Variants in DENND1A observed in about 807,000 individuals in gnomAD.
The protein encoded by DENND1A is DENN domain containing 1A, also known as DENN domain-containing protein 1A.
A neutral mutation model predicts 113.7 loss-of-function variants in DENND1A; 51 were observed. That is an observed-to-expected ratio of 0.45 (90% CI 0.36 to 0.57). The LOEUF (loss-of-function observed/expected upper bound fraction) is 0.57. Among genes scored for constraint, DENND1A ranks in the 20% least tolerant of loss-of-function variants. The pLI is 0.00. For missense variants in DENND1A, 1,258 were observed against 1,395.9 expected, an observed-to-expected ratio of 0.90 and a Z score of 1.57; for synonymous variants, 565 against 570.8, an observed-to-expected ratio of 0.99 and a Z score of 0.14.
At chr9:123,406,310 G>A (rs2131376518) in intron 20 of DENND1A, among the ~76,000 whole-genome samples, 1 of 152,334 alleles carries the variant, frequency 6.6e-6, no homozygotes, top group East Asian at 1.9e-4. Context: ...GTCTTCATCT[G>A]TGGGGTGATT....
In DENND1A at chr9:123,892,382, A is replaced by G. The variant is rs1850048011; in HGVS notation, c.18-13361T>C. 3.3e-5 allele frequency among the ~76,000 whole-genome samples: 5 copies of G among 152,232 alleles called. No individual in the cohort carries two copies. In the South Asian group the frequency reaches 8.3e-4, roughly 25 times the overall value. ...CTCCAATCCCACTTAACAAACCTTA[A>G]AAAGCAAGACTCGGAAGGAGCACAT... is the stretch of plus-strand genomic sequence containing the variant. On this transcript the variant is annotated intron_variant, in intron 1 of 23. Transcript: ENST00000394215.
chr9:123,507,243 C>A (rs546493935), intron 13 of DENND1A, among the ~76,000 whole-genome samples: 1 of 152,310 alleles, frequency 6.6e-6, no homozygotes, highest in East Asian at 1.9e-4. Context: ...ACACGGGTAA[C>A]TGTGCTAAGA....
At chr9:123,536,952 GAAC>G (rs10581266) in intron 13 of DENND1A, among the ~76,000 whole-genome samples, 13,631 of 152,068 alleles carry the variant, frequency 0.09, 675 homozygotes, top group Admixed American at 0.15. Flanking sequence ...ACATAAAAAT[GAAC>G]AACAACAACA....
At chr9:123,415,890 C>T (rs561803316) in intron 19 of DENND1A, among the ~76,000 whole-genome samples, 59 of 152,134 alleles carry the variant, frequency 3.9e-4, no homozygotes, top group Admixed American at 1.3e-3. Context: ...CTGGGGTGTC[C>T]CCAGCTGGGG....
intron 8 of DENND1A, among the ~76,000 whole-genome samples, chr9:123,656,389 CAACT>C (rs2062947975): frequency 1.3e-5 from 2 of 152,256 alleles, no homozygotes; most frequent in South Asian, 4.2e-4. Context: ...GCAGGACAGT[CAACT>C]AACAGGCTGC....
At chr9:123,640,715 T>C (rs1324388893) in intron 9 of DENND1A, among the ~76,000 whole-genome samples, 1 of 152,240 alleles carries the variant, frequency 6.6e-6, no homozygotes, top group Non-Finnish European at 1.5e-5. Flanking sequence ...TGCTTTCATA[T>C]CTGGATGGTC....
intron 8 of DENND1A, among the ~76,000 whole-genome samples, chr9:123,652,773 A>G (rs1043442315): frequency 1.3e-5 from 2 of 152,064 alleles, no homozygotes; most frequent in African/African-American, 2.4e-5. Flanking sequence ...TCAAAAGGGG[A>G]AAAAAAATTG....
At chr9:123,924,673 A>G (rs1199615607) in intron 1 of DENND1A, among the ~76,000 whole-genome samples, 1 of 151,946 alleles carries the variant, frequency 6.6e-6, no homozygotes, top group Non-Finnish European at 1.5e-5. Context: ...AGTAAATATT[A>G]TAGTATGTGA....
chr9:123,738,333 T>G (rs1210348510), intron 5 of DENND1A, among the ~76,000 whole-genome samples: 4 of 151,992 alleles, frequency 2.6e-5, no homozygotes, highest in Admixed American at 2.0e-4. Context: ...CCAGATTACA[T>G]CAAACATTGC....
At chr9:123,650,709 C>T (rs1298575558) in intron 9 of DENND1A, among the ~76,000 whole-genome samples, 1 of 151,974 alleles carries the variant, frequency 6.6e-6, no homozygotes, top group Non-Finnish European at 1.5e-5. Flanking sequence ...GAGTTCGAGA[C>T]CAGCCTGGTC....
intron 13 of DENND1A, among the ~76,000 whole-genome samples, chr9:123,553,553 CA>C (rs1022355976): frequency 2.0e-5 from 3 of 150,860 alleles, no homozygotes; most frequent in African/African-American, 4.9e-5. Flanking sequence ...AACTAAAAGG[CA>C]AAAAAAATAT....
intron 5 of DENND1A, among the ~76,000 whole-genome samples, chr9:123,692,558 A>G (rs141107643): frequency 1.6e-3 from 239 of 152,350 alleles, no homozygotes; most frequent in Non-Finnish European, 2.8e-3. Flanking sequence ...AGCTAACACT[A>G]TAAGTAATTC....
In DENND1A at chr9:123,595,991, C is replaced by T. The variant is rs373507122; in HGVS notation, c.766-12721G>A. Among the ~76,000 whole-genome samples the T allele has an allele frequency of 7.9e-5, 12 of 152,302 alleles. No individual in the cohort carries two copies. In the East Asian group the frequency reaches 1.5e-3, roughly 20 times the overall value. On this transcript the variant is annotated intron_variant, in intron 11 of 23. Coordinates refer to ENST00000394215, the MANE Select transcript of DENND1A (RefSeq NM_001352964.2). ...TCAAACTGAAGCAGGCTTCCCACTG[C>T]TGCAGACTCAGTTTCCTCATGTGTA...
At chr9:123,878,808 T>C (rs759728248) in intron 2 of DENND1A, 143 bp downstream of exon 2, 5 of 699,558 alleles carry the variant, frequency 7.1e-6, no homozygotes, top group East Asian at 2.8e-5. Flanking sequence ...CCTAGGATAA[T>C]GTGAGCATGA....
At chr9:123,670,563 A>C (rs1158204962) in intron 7 of DENND1A, among the ~76,000 whole-genome samples, 5 of 152,172 alleles carry the variant, frequency 3.3e-5, no homozygotes, top group Non-Finnish European at 7.3e-5. Flanking sequence ...AAATCTCCCA[A>C]TTGGTATTTC....
intron 19 of DENND1A, among the ~76,000 whole-genome samples, chr9:123,439,235 G>A (rs528401370): frequency 7.9e-5 from 12 of 152,284 alleles, no homozygotes; most frequent in South Asian, 2.1e-4. Flanking sequence ...TCTTTCTTGC[G>A]TTTCAATTTT....
At chr9:123,742,592 C>A (rs755515208) in intron 5 of DENND1A, among the ~76,000 whole-genome samples, 4 of 152,146 alleles carry the variant, frequency 2.6e-5, no homozygotes, top group Non-Finnish European at 5.9e-5. Flanking sequence ...AAAAACCTGG[C>A]AAATCAAAGG....
intron 5 of DENND1A, among the ~76,000 whole-genome samples, chr9:123,693,843 T>TTATTATTAG (rs2065335628): frequency 6.7e-6 from 1 of 148,742 alleles, no homozygotes. Flanking sequence ...ATTATTATTA[T>TTATTATTAG]TTTGAGACAG....
At chr9:123,892,532 C>G (rs79252018) in intron 1 of DENND1A, among the ~76,000 whole-genome samples, 15,746 of 152,184 alleles carry the variant, frequency 0.1, 982 homozygotes, top group Admixed American at 0.13. Context: ...TCAGATTACT[C>G]CCCTGAGGAA....
Sources: allele counts gnomAD v4.1 joint callset (sites outside exome capture counted in the v4.1 genomes callset), GRCh38; gene constraint gnomAD v4.1.1; transcripts MANE v1.5; gene names NCBI Gene and HGNC (gene_info 2026-07-23, HGNC 2026-07-21).